The following FLT1 variants were observed in gnomAD, a reference collection of about 807,000 sequenced individuals.
FLT1 encodes the protein vascular endothelial growth factor receptor 1.
FLT1 carries 49 observed loss-of-function variants against 156.3 expected under a neutral mutation model. The ratio of observed to expected loss-of-function variants is 0.31; its 90% CI spans 0.25 to 0.40. The LOEUF (loss-of-function observed/expected upper bound fraction) is 0.40. FLT1 is among the 10% of genes least tolerant of loss of function. The pLI is 1.00. For missense variants in FLT1, 1,322 were observed against 1,637.2 expected, an observed-to-expected ratio of 0.81 and a Z score of 3.32; for synonymous variants, 594 against 583.8, an observed-to-expected ratio of 1.02 and a Z score of -0.25.
intron 14 of FLT1, among the ~76,000 whole-genome samples, chr13:28,374,457 C>CG (rs1565991703): frequency 6.6e-6 from 1 of 151,644 alleles, no homozygotes; most frequent in Non-Finnish European, 1.5e-5. Flanking sequence ...AGAAAAAACC[C>CG]AAAAAAACCC....
rs78769540 is a variant in FLT1, at chr13:28,370,727, T to A, written c.2117-13042A>T. ...ACCTTAGCTATCAGCTATGTTTATT[T>A]GTAAACTGTGAACACATGCATGTAA... On this transcript the variant is annotated intron_variant, in intron 14 of 29. Transcript: ENST00000282397. 6.9e-3 allele frequency among the ~76,000 whole-genome samples: 1,051 copies of A among 152,362 alleles called. 15 individuals carry two copies. Among genetic ancestry groups the A allele is most frequent in the African/African-American group, 0.024 (995 of 41,580 alleles).
chr13:28,456,125 G>T (rs1879249258), intron 3 of FLT1, among the ~76,000 whole-genome samples: 1 of 152,144 alleles, frequency 6.6e-6, no homozygotes, highest in Admixed American at 6.5e-5. Context: ...CTTGGTATTT[G>T]CCCAAAGGAC....
intron 3 of FLT1, among the ~76,000 whole-genome samples, chr13:28,456,724 A>G (rs899025838): frequency 4.6e-5 from 7 of 151,888 alleles, no homozygotes; most frequent in Non-Finnish European, 1.0e-4. Context: ...TGAACCCTGG[A>G]GGCAGAGGTT....
Position 28,322,968 on chromosome 13 carries a change from C to T in FLT1, c.2797-22G>A. On this transcript the variant is annotated intron_variant, in intron 20 of 29. Coordinates refer to ENST00000282397, the MANE Select transcript of FLT1 (RefSeq NM_002019.4). The surrounding 1 kb of genome is among the most constrained non-coding windows in gnomAD (Gnocchi z 4.3). The stretch of plus-strand genomic sequence containing the variant: ...CATCCTTTGAAGAGACCGAAAAGGA[C>T]CCAGGTGAAAAGGAGCTCCAGCACA... 1 of 1,613,850 alleles carries T rather than the reference C, an allele frequency of 6.2e-7. No homozygotes were observed.
chr13:28,383,832 A>AAAAC (rs780456487), intron 14 of FLT1, among the ~76,000 whole-genome samples: 1 of 152,158 alleles, frequency 6.6e-6, no homozygotes, highest in Non-Finnish European at 1.5e-5. Flanking sequence ...ACTGTCTCAA[A>AAAAC]AAACAAACAA....
intron 3 of FLT1, among the ~76,000 whole-genome samples, chr13:28,461,769 A>G (rs1879591494): frequency 6.6e-6 from 1 of 152,196 alleles, no homozygotes; most frequent in Non-Finnish European, 1.5e-5. Context: ...CTCCCAGAAT[A>G]TCTAAGTTGT....
intron 15 of FLT1, among the ~76,000 whole-genome samples, chr13:28,354,807 T>A (rs889959543): frequency 2.0e-5 from 3 of 151,844 alleles, no homozygotes; most frequent in Admixed American, 6.6e-5. Flanking sequence ...ATGGAATATA[T>A]AAATATATAT....
chr13:28,487,191 G>C (rs187729350), intron 1 of FLT1, among the ~76,000 whole-genome samples: 2 of 152,220 alleles, frequency 1.3e-5, no homozygotes, highest in Non-Finnish European at 2.9e-5. Context: ...GCCAAGACCC[G>C]AGGATTTTTA....
intron 8 of FLT1, among the ~76,000 whole-genome samples, chr13:28,428,783 A>G (rs1201292417): frequency 1.3e-5 from 2 of 152,218 alleles, no homozygotes; most frequent in African/African-American, 2.4e-5. Flanking sequence ...TTCTGTATAA[A>G]GGTTTAATAT....
intron 1 of FLT1, among the ~76,000 whole-genome samples, chr13:28,477,182 A>G (rs973675387): frequency 1.3e-5 from 2 of 152,184 alleles, no homozygotes; most frequent in African/African-American, 4.8e-5. Context: ...TTTACTTGAC[A>G]CTGCCTTCTT....
intron 18 of FLT1, among the ~76,000 whole-genome samples, chr13:28,331,842 C>T (rs999727922): frequency 6.7e-6 from 1 of 149,536 alleles, no homozygotes; most frequent in Non-Finnish European, 1.5e-5. Flanking sequence ...CTTTTACAAT[C>T]AATGCTGATG....
intron 1 of FLT1, among the ~76,000 whole-genome samples, chr13:28,476,831 C>G (rs1880575562): frequency 6.6e-6 from 1 of 152,186 alleles, no homozygotes; most frequent in South Asian, 2.1e-4. Context: ...TAATTCTGCT[C>G]TGGTTTGTTC....
intron 11 of FLT1, among the ~76,000 whole-genome samples, chr13:28,397,325 G>A (rs1211715490): frequency 6.6e-6 from 1 of 152,164 alleles, no homozygotes; most frequent in Non-Finnish European, 1.5e-5. Context: ...TTTATCTCGT[G>A]CTGCTGGCGT....
chr13:28,306,786 G>A lies in FLT1; in HGVS notation c.3721-14C>T. 1 of 1,590,238 alleles carries A rather than the reference G, an allele frequency of 6.3e-7. No individual in the cohort carries two copies. Among genetic ancestry groups the A allele is most frequent in the Non-Finnish European group, 8.6e-7 (1 of 1,158,542 alleles). On this transcript the variant is annotated splice_polypyrimidine_tract_variant and intron_variant, in intron 28 of 29. Coordinates refer to ENST00000282397, the MANE Select transcript of FLT1 (RefSeq NM_002019.4). ...GCCCTGGTAGTCCTAGGGGGAGAAG[G>A]AGAAAGGTTATACTCTTGCCTGGCC...
At chr13:28,422,024 A>G (rs1357281986) in intron 10 of FLT1, among the ~76,000 whole-genome samples, 1 of 152,240 alleles carries the variant, frequency 6.6e-6, no homozygotes, top group African/African-American at 2.4e-5. Flanking sequence ...CCAATAAGTA[A>G]TCACCAAATA....
chr13:28,432,132 T>G (rs780089864), intron 6 of FLT1, among the ~76,000 whole-genome samples: 9 of 152,086 alleles, frequency 5.9e-5, no homozygotes, highest in Non-Finnish European at 1.2e-4. Flanking sequence ...AAGCACTATA[T>G]TTTATAACTA....
chr13:28,438,486 G>A lies in FLT1; in HGVS notation c.389-141C>T, dbSNP rs1878159224. Reference sequence around the variant, plus strand: ...ATGTAATCCATACATTCACATCTTTGTCTCTGAATTTGGCCCTCTGTGTTT... The same window carrying A: ...ATGTAATCCATACATTCACATCTTTATCTCTGAATTTGGCCCTCTGTGTTT... On this transcript the variant is annotated intron_variant, in intron 3 of 29. Transcript: ENST00000282397. 6 of 704,148 alleles carry A rather than the reference G, an allele frequency of 8.5e-6. No homozygotes were observed. In the African/African-American group the frequency reaches 8.9e-5, roughly 10 times the overall value. 43.6% of individuals were successfully genotyped at this position (704,148 alleles called of 1,614,324 possible).
intron 1 of FLT1, among the ~76,000 whole-genome samples, chr13:28,483,478 T>C (rs2137659743): frequency 6.6e-6 from 1 of 152,350 alleles, no homozygotes; most frequent in East Asian, 1.9e-4. Flanking sequence ...TCCAGCTTTT[T>C]CTTTGGAGTG....
intron 11 of FLT1, among the ~76,000 whole-genome samples, chr13:28,402,296 T>A (rs1875492317): frequency 6.6e-6 from 1 of 152,192 alleles, no homozygotes; most frequent in Non-Finnish European, 1.5e-5. Context: ...GACTTTAATT[T>A]GCTTTCTAAA....
Sources: allele counts gnomAD v4.1 joint callset (sites outside exome capture counted in the v4.1 genomes callset), GRCh38; gene constraint gnomAD v4.1.1; non-coding constraint Gnocchi (gnomAD v3.1); transcripts MANE v1.5; gene names NCBI Gene and HGNC (gene_info 2026-07-23, HGNC 2026-07-21).